The following SRPK1 variants were observed in gnomAD, a reference collection of about 807,000 sequenced individuals.
The protein encoded by SRPK1 is SFRS protein kinase 1.
Under a neutral mutation model 89.5 loss-of-function variants are expected in SRPK1, and 52 were observed. The observed-to-expected ratio is 0.58, with a 90% CI of 0.46 to 0.73. The LOEUF (loss-of-function observed/expected upper bound fraction) is 0.73. Ranked by LOEUF, SRPK1 falls within the 30% of genes least tolerant of loss-of-function variation. The probability of loss-of-function intolerance (pLI) is 0.00; values close to 1 mark genes in which losing one functional copy is unlikely to be tolerated. For missense variants in SRPK1, 603 were observed against 780.6 expected, an observed-to-expected ratio of 0.77 and a Z score of 2.71; for synonymous variants, 255 against 270.2, an observed-to-expected ratio of 0.94 and a Z score of 0.55.
At chr6:35,902,373 A>C (rs1770762869) in intron 2 of SRPK1, among the ~76,000 whole-genome samples, 1 of 152,090 alleles carries the variant, frequency 6.6e-6, no homozygotes, top group Admixed American at 6.5e-5. Flanking sequence ...TGATCACGCC[A>C]CTGCACTCCA....
At chr6:35,866,845 T>A (rs970249310) in intron 12 of SRPK1, among the ~76,000 whole-genome samples, 3 of 152,076 alleles carry the variant, frequency 2.0e-5, no homozygotes, top group African/African-American at 7.2e-5. Context: ...TAAAAAAGAA[T>A]GAAATCATGT....
chr6:35,885,294 C>CAGAGAGAG (rs1273529546), intron 6 of SRPK1, among the ~76,000 whole-genome samples: 2 of 131,108 alleles, frequency 1.5e-5, no homozygotes, highest in South Asian at 2.5e-4. Context: ...CACACACACA[C>CAGAGAGAG]ACACAGAGAG....
At chr6:35,838,248 T>C in intron 15 of SRPK1, 89 bp downstream of exon 15, 3 of 884,524 alleles carry the variant, frequency 3.4e-6, no homozygotes, top group Non-Finnish European at 4.9e-6. Flanking sequence ...GGCAGGCCCA[T>C]CATTCTGTAG....
At chr6:35,910,042 G>C (rs1478256122) in intron 2 of SRPK1, among the ~76,000 whole-genome samples, 1 of 151,772 alleles carries the variant, frequency 6.6e-6, no homozygotes, top group Admixed American at 6.6e-5. Context: ...AGAGTGCAAT[G>C]GCATGATCTC....
intron 3 of SRPK1, among the ~76,000 whole-genome samples, chr6:35,890,185 T>C (rs12528878): frequency 0.34 from 51,437 of 151,398 alleles, 8,925 homozygotes; most frequent in South Asian, 0.45. Context: ...ATCGCTTGAA[T>C]CCAGGAGTCA....
intron 1 of SRPK1, 113 bp downstream of exon 1, chr6:35,920,931 G>A: frequency 8.0e-7 from 1 of 1,250,198 alleles, no homozygotes; most frequent in Non-Finnish European, 1.1e-6. Context: ...CAGTGGAGGG[G>A]CGCCGCACGT....
intron 2 of SRPK1, among the ~76,000 whole-genome samples, chr6:35,906,320 G>C (rs1770847097): frequency 6.6e-6 from 1 of 152,102 alleles, no homozygotes; most frequent in Non-Finnish European, 1.5e-5. Flanking sequence ...CACCTCCCAG[G>C]TTCAAGTGAT....
rs1435859641 is a variant in SRPK1, at chr6:35,833,803, G to A, written c.*1501C>T. 2.6e-5 allele frequency: 4 copies of A among 152,440 alleles called. No individual in the cohort carries two copies. 9.4% of individuals were successfully genotyped at this position (152,440 alleles called of 1,614,324 possible). On this transcript the variant is annotated 3_prime_UTR_variant, in exon 16 of 16. Transcript: ENST00000373825. ...TGGTTACCCAATAGCCTCACTGGTGGCTTGCTAGCAGAGCCTCAAGTTGCA... is the reference window on the plus strand; with the variant it reads ...TGGTTACCCAATAGCCTCACTGGTGACTTGCTAGCAGAGCCTCAAGTTGCA...
At chr6:35,860,912 AAGG>A (rs1223750416) in intron 12 of SRPK1, among the ~76,000 whole-genome samples, 1 of 152,090 alleles carries the variant, frequency 6.6e-6, no homozygotes, top group Non-Finnish European at 1.5e-5. Context: ...AAAGAAATTG[AAGG>A]AGTTGTACGT....
chr6:35,887,887 CTTTA>C (rs1770442826), intron 5 of SRPK1, 133 bp downstream of exon 5: 2 of 549,640 alleles, frequency 3.6e-6, no homozygotes, highest in South Asian at 7.7e-5. Flanking sequence ...TGTTGTCTTC[CTTTA>C]CCTCTTTAAG....
chr6:35,837,032 G>A (rs936885451), intron 15 of SRPK1, among the ~76,000 whole-genome samples: 4 of 152,162 alleles, frequency 2.6e-5, no homozygotes, highest in Non-Finnish European at 5.9e-5. Context: ...AGGAAAAAGG[G>A]AACCATGGCA....
intron 14 of SRPK1, chr6:35,838,742 T>G: frequency 7.1e-7 from 1 of 1,410,046 alleles, no homozygotes; most frequent in Non-Finnish European, 9.5e-7. Context: ...TATTTCCCAC[T>G]GAGGGAAAAG....
intron 2 of SRPK1, among the ~76,000 whole-genome samples, chr6:35,892,394 G>C (rs1230811682): frequency 6.6e-6 from 1 of 152,084 alleles, no homozygotes; most frequent in Non-Finnish European, 1.5e-5. Flanking sequence ...CCTCATGCCT[G>C]TAATCCCAGC....
intron 2 of SRPK1, among the ~76,000 whole-genome samples, chr6:35,904,680 T>C (rs1770811629): frequency 1.3e-5 from 2 of 151,878 alleles, no homozygotes; most frequent in South Asian, 2.1e-4. Context: ...GTGCCTGTAA[T>C]CCCAGCTACT....
chr6:35,892,590 T>C (rs1432065132), intron 2 of SRPK1, among the ~76,000 whole-genome samples: 4 of 151,936 alleles, frequency 2.6e-5, no homozygotes, highest in African/African-American at 9.7e-5. Flanking sequence ...AGGCAAAGGT[T>C]ACAGTGAGCC....
At chr6:35,867,315 T>C (rs1483932868) in intron 12 of SRPK1, among the ~76,000 whole-genome samples, 1 of 152,106 alleles carries the variant, frequency 6.6e-6, no homozygotes, top group Non-Finnish European at 1.5e-5. Flanking sequence ...TAATTCTAAT[T>C]ACTTGGAAAG....
At chr6:35,841,690 G>C (rs1257931438) in intron 14 of SRPK1, among the ~76,000 whole-genome samples, 1 of 151,944 alleles carries the variant, frequency 6.6e-6, no homozygotes, top group Non-Finnish European at 1.5e-5. Context: ...AAATTAGCTG[G>C]GCATGGTGGC....
chr6:35,915,147 T>C (rs562822164), intron 2 of SRPK1, among the ~76,000 whole-genome samples: 4 of 152,138 alleles, frequency 2.6e-5, no homozygotes, highest in African/African-American at 9.6e-5. Context: ...CTTACATCTG[T>C]AATCCTGGCA....
At chr6:35,840,021 G>A (rs1182701133) in intron 14 of SRPK1, among the ~76,000 whole-genome samples, 1 of 151,926 alleles carries the variant, frequency 6.6e-6, no homozygotes, top group Admixed American at 6.6e-5. Flanking sequence ...TGCCCAGGCT[G>A]GTCTCAAACT....
Sources: gnomAD v4.1 joint callset for allele counts (sites outside exome capture counted in the v4.1 genomes callset) on GRCh38, gnomAD v4.1.1 for gene constraint, MANE v1.5 for transcripts, NCBI Gene and HGNC (gene_info 2026-07-23, HGNC 2026-07-21) for gene names.